The following LRRC4C variants were observed in gnomAD, a reference collection of about 807,000 sequenced individuals.
The protein encoded by LRRC4C is leucine rich repeat containing 4C, also known as leucine-rich repeat-containing protein 4C.
A neutral mutation model predicts 33.6 loss-of-function variants in LRRC4C; 5 were observed. The observed-to-expected ratio is 0.15, with a 90% confidence interval of 0.08 to 0.31. The LOEUF is 0.31. LRRC4C is among the 10% of genes least tolerant of loss of function. The probability of loss-of-function intolerance (pLI) is 1.00; values close to 1 mark genes in which losing one functional copy is unlikely to be tolerated. For missense variants in LRRC4C, 560 were observed against 796.7 expected (o/e 0.70, Z 3.58); for synonymous variants, 329 against 302.0 (o/e 1.09, Z -0.93).
At chr11:40,997,785 A>G (rs187556711) in intron 1 of LRRC4C, among the ~76,000 whole-genome samples, 7 of 152,228 alleles carry the variant, frequency 4.6e-5, no homozygotes, top group Admixed American at 1.3e-4. Context: ...CACTGTCACC[A>G]ATGGTTATAA....
intron 2 of LRRC4C, among the ~76,000 whole-genome samples, chr11:40,660,286 C>T (rs1363638072): frequency 6.6e-6 from 1 of 152,164 alleles, no homozygotes; most frequent in Non-Finnish European, 1.5e-5. Flanking sequence ...ACCTGGATTG[C>T]CCTCAGCAGG....
intron 3 of LRRC4C, among the ~76,000 whole-genome samples, chr11:40,442,846 T>C (rs1023182838): frequency 4.6e-5 from 7 of 152,298 alleles, no homozygotes; most frequent in African/African-American, 1.7e-4. Context: ...GAGAGGGGGT[T>C]AGATGACCAT....
chr11:41,322,568 A>T (rs1384528716), intron 1 of LRRC4C, among the ~76,000 whole-genome samples: 1 of 152,218 alleles, frequency 6.6e-6, no homozygotes, highest in Admixed American at 6.5e-5. Flanking sequence ...ATTTGTCTTC[A>T]TTTATGTTTT....
chr11:41,420,855 T>G (rs570374934), intron 1 of LRRC4C, among the ~76,000 whole-genome samples: 1 of 152,014 alleles, frequency 6.6e-6, no homozygotes, highest in East Asian at 1.9e-4. Context: ...TGGTACATAA[T>G]AGGCTCTCAA....
At position 41,086,209 on chromosome 11, in the gene LRRC4C, A is replaced by G. The variant is rs531341360; in HGVS notation, c.-495-152486T>C. 2.6e-5 allele frequency among the ~76,000 whole-genome samples: 4 copies of G among 152,260 alleles called. No individual in the cohort carries two copies. The South Asian group carries it at 8.3e-4, about 31-fold the overall frequency. ...CTTATTTTCATTATTTCAAAGAACA[A>G]TAGATGTGTTATAAAGTTGCATTAT... On this transcript the variant is annotated intron_variant, in intron 1 of 6. Coordinates refer to ENST00000528697, the MANE Select transcript of LRRC4C (RefSeq NM_001258419.2).
chr11:40,157,638 C>T (rs117103981), intron 5 of LRRC4C, among the ~76,000 whole-genome samples: 2,232 of 152,198 alleles, frequency 0.015, 20 homozygotes, highest in Non-Finnish European at 0.023. Context: ...ACACAAATGG[C>T]CAGTAAATAT....
chr11:40,657,656 C>T (rs962164681), intron 2 of LRRC4C, among the ~76,000 whole-genome samples: 2 of 152,200 alleles, frequency 1.3e-5, no homozygotes, highest in African/African-American at 4.8e-5. Context: ...AGTTGTCCTG[C>T]CTTTCCAGAC....
intron 3 of LRRC4C, among the ~76,000 whole-genome samples, chr11:40,562,398 G>A (rs1375814016): frequency 6.6e-6 from 1 of 152,126 alleles, no homozygotes; most frequent in Non-Finnish European, 1.5e-5. Flanking sequence ...TGATGCAGAG[G>A]TGAGGAGGTA....
chr11:41,117,613 C>T (rs892649005), intron 1 of LRRC4C, among the ~76,000 whole-genome samples: 132 of 151,990 alleles, frequency 8.7e-4, no homozygotes, highest in African/African-American at 3.2e-3. Flanking sequence ...ATTGCATTTT[C>T]TAAGGAAAAT....
In LRRC4C at chr11:41,007,370, C is replaced by CT. The variant is rs66460926; in HGVS notation, c.-495-73648dup. On this transcript the variant is annotated intron_variant, in intron 1 of 6. Coordinates refer to ENST00000528697, the MANE Select transcript of LRRC4C (RefSeq NM_001258419.2). ...GCAAATTAAACAACAAAAATGCTTT[C>CT]TTTTTTTTTTAAACTTTTCAGATTG... is the stretch of plus-strand genomic sequence containing the variant. 1.7e-4 allele frequency among the ~76,000 whole-genome samples: 25 copies of CT among 149,310 alleles called. No individual in the cohort carries two copies. The South Asian group carries it at 3.4e-3, about 20-fold the overall frequency.
At chr11:41,076,494 G>C (rs1344012048) in intron 1 of LRRC4C, among the ~76,000 whole-genome samples, 1 of 152,202 alleles carries the variant, frequency 6.6e-6, no homozygotes, top group African/African-American at 2.4e-5. Context: ...AGAGAGTGAA[G>C]TGGGAGGTGC....
chr11:40,668,920 A>G (rs1469521109), intron 2 of LRRC4C, among the ~76,000 whole-genome samples: 1 of 152,180 alleles, frequency 6.6e-6, no homozygotes, highest in East Asian at 1.9e-4. Context: ...TAGACAGAGC[A>G]TCAGTGATAA....
At chr11:41,302,264 T>C (rs777735264) in intron 1 of LRRC4C, among the ~76,000 whole-genome samples, 1 of 152,178 alleles carries the variant, frequency 6.6e-6, no homozygotes. Context: ...AAATGTGGAA[T>C]GGACTGTAAC....
At chr11:40,796,332 G>A (rs12277750) in intron 2 of LRRC4C, among the ~76,000 whole-genome samples, 20,010 of 152,112 alleles carry the variant, frequency 0.13, 1,399 homozygotes, top group East Asian at 0.19. Flanking sequence ...GTCAAAGTTC[G>A]TGGTGCAGGG....
chr11:40,876,393 A>G (rs1954894556), intron 2 of LRRC4C, among the ~76,000 whole-genome samples: 1 of 148,524 alleles, frequency 6.7e-6, no homozygotes, highest in South Asian at 2.2e-4. Context: ...ATAATGTTTG[A>G]AATATGTCAG....
chr11:40,539,623 T>C (rs1956622480), intron 3 of LRRC4C, among the ~76,000 whole-genome samples: 1 of 152,128 alleles, frequency 6.6e-6, no homozygotes, highest in Non-Finnish European at 1.5e-5. Context: ...AATTAAATAT[T>C]TATTGAATAT....
intron 3 of LRRC4C, among the ~76,000 whole-genome samples, chr11:40,585,130 C>T (rs1399289520): frequency 6.6e-6 from 1 of 151,932 alleles, no homozygotes; most frequent in Non-Finnish European, 1.5e-5. Flanking sequence ...CCATGCAATG[C>T]TTATAGACAG....
intron 2 of LRRC4C, among the ~76,000 whole-genome samples, chr11:40,911,021 A>T (rs528732800): frequency 4.6e-5 from 7 of 152,178 alleles, no homozygotes; most frequent in Admixed American, 2.0e-4. Flanking sequence ...CATTGCCGAG[A>T]CTTGAGTAGG....
chr11:40,287,256 ATGTGTG>A (rs5791367), intron 4 of LRRC4C, among the ~76,000 whole-genome samples: 95 of 144,820 alleles, frequency 6.6e-4, no homozygotes, highest in South Asian at 1.6e-3. Flanking sequence ...ATGTCACTGT[ATGTGTG>A]TGTGTGTGTG....
Sources: allele counts gnomAD v4.1 joint callset (sites outside exome capture counted in the v4.1 genomes callset), GRCh38; gene constraint gnomAD v4.1.1; transcripts MANE v1.5; gene names NCBI Gene and HGNC (gene_info 2026-07-23, HGNC 2026-07-21).